UGGT2: variants seen among roughly 807,000 people sequenced by gnomAD.
UGGT2 encodes UDP-glucose glycoprotein glucosyltransferase 2.
A neutral mutation model predicts 192.1 loss-of-function variants in UGGT2; 180 were observed. That is an observed-to-expected ratio of 0.94 (90% confidence interval 0.83 to 1.06). The LOEUF (loss-of-function observed/expected upper bound fraction) is 1.06. UGGT2 is among the 50% of genes least tolerant of loss of function. The pLI is 0.00. For synonymous variants in UGGT2, 580 were observed against 591.0 expected (o/e 0.98, Z 0.27); for missense variants, 1,849 against 1,795.7 (o/e 1.03, Z -0.54).
At chr13:95,845,096 T>C (rs73556783) in intron 36 of UGGT2, among the ~76,000 whole-genome samples, 2,490 of 152,244 alleles carry the variant, frequency 0.016, 63 homozygotes, top group African/African-American at 0.057. Flanking sequence ...GTGAGTTACA[T>C]TGATTTTCTA....
intron 3 of UGGT2, 36 bp downstream of exon 3, chr13:96,023,591 GCC>G: frequency 6.3e-7 from 1 of 1,579,398 alleles, no homozygotes; most frequent in Non-Finnish European, 8.6e-7. Flanking sequence ...TTGCTAGCGT[GCC>G]TCTTTGTCAA....
At chr13:95,831,674 T>G (rs1886704741) in intron 38 of UGGT2, among the ~76,000 whole-genome samples, 1 of 152,126 alleles carries the variant, frequency 6.6e-6, no homozygotes, top group Non-Finnish European at 1.5e-5. Flanking sequence ...TAAAATTTCC[T>G]TAACTTATAC....
intron 33 of UGGT2, among the ~76,000 whole-genome samples, chr13:95,856,960 T>C (rs1373232450): frequency 1.3e-5 from 2 of 152,002 alleles, no homozygotes; most frequent in Non-Finnish European, 1.5e-5. Context: ...AAATATACTG[T>C]GGGCTAAATT....
chr13:95,826,599 G>A (rs1422705939), intron 38 of UGGT2, among the ~76,000 whole-genome samples: 1 of 151,834 alleles, frequency 6.6e-6, no homozygotes, highest in Non-Finnish European at 1.5e-5. Flanking sequence ...TTCTTCAAGA[G>A]AAAAATTCCA....
Position 96,047,624 on chromosome 13 carries a change from T to C in UGGT2, c.158+5531A>G, listed in dbSNP as rs561743897. On this transcript the variant is annotated intron_variant, in intron 1 of 38. Transcript: ENST00000376747. ...GAGAGAGACACACATAGGCTCAAAA[T>C]AAAGGGATGGAGGAAGATCTACCAA... Among the ~76,000 whole-genome samples the C allele has an allele frequency of 9.9e-5, 15 of 151,702 alleles. No individual in the cohort carries two copies. The South Asian group carries it at 2.9e-3, about 30-fold the overall frequency.
chr13:95,985,470 A>C, intron 9 of UGGT2: 1 of 269,246 alleles, frequency 3.7e-6, no homozygotes, highest in Non-Finnish European at 7.3e-6. Context: ...TGTAATCTGT[A>C]TGATGAATAA....
chr13:95,806,925 C>T (rs980300593), intron 38 of UGGT2, among the ~76,000 whole-genome samples: 21 of 152,064 alleles, frequency 1.4e-4, no homozygotes, highest in African/African-American at 4.3e-4. Context: ...AAAACTATAG[C>T]GCTCTTAGAA....
At chr13:95,904,614 A>G (rs1257450378) in intron 20 of UGGT2, among the ~76,000 whole-genome samples, 5 of 152,062 alleles carry the variant, frequency 3.3e-5, no homozygotes, top group Admixed American at 3.3e-4. Flanking sequence ...GTCCCTACAA[A>G]GGACATGAAC....
At chr13:95,851,804 C>T (rs1183383591) in intron 36 of UGGT2, among the ~76,000 whole-genome samples, 2 of 152,146 alleles carry the variant, frequency 1.3e-5, no homozygotes, top group Non-Finnish European at 2.9e-5. Context: ...GGACAGTTTC[C>T]GAACTGCTTG....
At chr13:95,822,483 G>C (rs979849765) in intron 38 of UGGT2, among the ~76,000 whole-genome samples, 1 of 151,982 alleles carries the variant, frequency 6.6e-6, no homozygotes, top group African/African-American at 2.4e-5. Context: ...CATATCACTG[G>C]TGAACAGCAC....
chr13:95,821,738 A>G (rs934386857), intron 38 of UGGT2, among the ~76,000 whole-genome samples: 4 of 152,174 alleles, frequency 2.6e-5, no homozygotes, highest in African/African-American at 9.7e-5. Context: ...TAATTTTTGT[A>G]TAAGGTGAGA....
rs531377927 is a variant in UGGT2, at chr13:96,053,321, G to A, written c.-9C>T. On this transcript the variant is annotated 5_prime_UTR_variant, in exon 1 of 39. Transcript: ENST00000376747. Reference sequence around the variant, plus strand: ...GCTTTCGCTGGCGCCATGGCACGGAGAGAAAAGCGCGAGTCCCTCGGACCC... The same window carrying A: ...GCTTTCGCTGGCGCCATGGCACGGAAAGAAAAGCGCGAGTCCCTCGGACCC... The A allele has an allele frequency of 5.3e-5, 84 of 1,581,680 alleles. No individual in the cohort carries two copies. The African/African-American group carries it at 9.0e-4, about 17-fold the overall frequency.
At chr13:96,043,688 G>A (rs1288677381) in intron 1 of UGGT2, among the ~76,000 whole-genome samples, 1 of 151,902 alleles carries the variant, frequency 6.6e-6, no homozygotes, top group Non-Finnish European at 1.5e-5. Context: ...CCATGCAAAT[G>A]GACACCAAAA....
intron 15 of UGGT2, 119 bp from the exon 16 acceptor site, chr13:95,940,210 C>A: frequency 1.8e-6 from 1 of 564,464 alleles, no homozygotes; most frequent in Non-Finnish European, 2.7e-6. Context: ...ACTACACATA[C>A]ACACATACCA....
intron 12 of UGGT2, among the ~76,000 whole-genome samples, chr13:95,965,622 T>C: frequency 2.1e-5 from 3 of 145,228 alleles, no homozygotes; most frequent in Non-Finnish European, 4.6e-5. Context: ...GGAATAGCAT[T>C]AGGTGATATA....
rs535259206 is a variant in UGGT2 at position 95,827,674 on chromosome 13, A to C, written c.4528+5253T>G. Among the ~76,000 whole-genome samples, 16 of 152,292 alleles carry C rather than the reference A, an allele frequency of 1.1e-4. No individual in the cohort carries two copies. In the Middle Eastern group the frequency reaches 0.01, roughly 97 times the overall value. On this transcript the variant is annotated intron_variant, in intron 38 of 38. Transcript: ENST00000376747. ...ATTATAAAAGATATACTATATCTCA[A>C]GCCATCCTTATAGAGTTAAACAAGA...
chr13:95,981,577 A>G (rs1238056803), intron 10 of UGGT2, among the ~76,000 whole-genome samples: 1 of 152,172 alleles, frequency 6.6e-6, no homozygotes, highest in Non-Finnish European at 1.5e-5. Context: ...TTTACACCAG[A>G]GCAATTGACC....
chr13:95,805,500 A>G (rs1185376432), intron 38 of UGGT2, among the ~76,000 whole-genome samples: 7 of 152,222 alleles, frequency 4.6e-5, no homozygotes, highest in African/African-American at 7.2e-5. Flanking sequence ...CATTACTCAC[A>G]GTAGCCAAAA....
rs982463354 is a variant in UGGT2 at position 95,893,346 on chromosome 13, T to C, written c.2855+1216A>G. 3.3e-5 allele frequency among the ~76,000 whole-genome samples: 5 copies of C among 152,294 alleles called. 1 individual carries two copies. The highest frequency in any genetic ancestry group is 1.2e-4 in the African/African-American group (5 of 41,584). Reference sequence around the variant, plus strand: ...ATATAATACTGTGTTTAAATATATATATACATGTATACACACACATCTCTC... The same window carrying C: ...ATATAATACTGTGTTTAAATATATACATACATGTATACACACACATCTCTC... On this transcript the variant is annotated intron_variant, in intron 24 of 38. Transcript: ENST00000376747.
Sources: allele counts gnomAD v4.1 joint callset (sites outside exome capture counted in the v4.1 genomes callset), GRCh38; gene constraint gnomAD v4.1.1; transcripts MANE v1.5; gene names NCBI Gene and HGNC (gene_info 2026-07-23, HGNC 2026-07-21).